EML1: variants seen among roughly 807,000 people sequenced by gnomAD.
EML1 encodes the protein echinoderm microtubule-associated protein-like 1.
A neutral mutation model predicts 110.4 loss-of-function variants in EML1; 27 were observed. The observed-to-expected ratio is 0.24, with a 90% confidence interval of 0.18 to 0.34. The LOEUF is 0.34. Among genes scored for constraint, EML1 ranks in the 10% least tolerant of loss-of-function variants. EML1 has a pLI of 1.00. For missense variants in EML1, 741 were observed against 1,030.9 expected (o/e 0.72, Z 3.85); for synonymous variants, 344 against 385.8 (o/e 0.89, Z 1.27).
intron 13 of EML1, among the ~76,000 whole-genome samples, chr14:99,912,929 G>C (rs2059969067): frequency 6.6e-6 from 1 of 152,224 alleles, no homozygotes; most frequent in South Asian, 2.1e-4. Context: ...AGGGGAGGCT[G>C]CTTCTTTCCT....
rs193178500 is a variant in EML1 at position 99,805,393 on chromosome 14, G to A, written c.67+11850G>A. 9.5e-4 allele frequency among the ~76,000 whole-genome samples: 144 copies of A among 152,278 alleles called. 1 individual carries two copies. Among genetic ancestry groups the A allele is most frequent in the Non-Finnish European group, 1.6e-3 (109 of 68,012 alleles). On this transcript the variant is annotated intron_variant, in intron 1 of 21. Coordinates refer to ENST00000262233, the MANE Select transcript of EML1 (RefSeq NM_004434.3). Reference sequence around the variant, plus strand: ...GACTTAGTGTTTGTGAAACTCTTCCGTCTTTCTGTTAACAGTTGTAGTTCT... The same window carrying A: ...GACTTAGTGTTTGTGAAACTCTTCCATCTTTCTGTTAACAGTTGTAGTTCT...
chr14:99,831,754 A>G (rs1372378841), intron 1 of EML1, among the ~76,000 whole-genome samples: 2 of 152,138 alleles, frequency 1.3e-5, no homozygotes, highest in Non-Finnish European at 2.9e-5. Flanking sequence ...CATTCCATGA[A>G]GGATTTATGA....
At chr14:99,828,606 T>C (rs565396783) in intron 1 of EML1, among the ~76,000 whole-genome samples, 4 of 152,308 alleles carry the variant, frequency 2.6e-5, no homozygotes, top group South Asian at 2.1e-4. Flanking sequence ...GGTATATATA[T>C]ACACTTGACC....
At chr14:99,854,220 T>C (rs2055123839) in intron 2 of EML1, among the ~76,000 whole-genome samples, 1 of 152,150 alleles carries the variant, frequency 6.6e-6, no homozygotes, top group African/African-American at 2.4e-5. Flanking sequence ...CAACACTCAC[T>C]GGCCTCAGCA....
chr14:99,783,485 CTTT>C lies in EML1; in HGVS notation c.-27+9487_-27+9489del, dbSNP rs59785136. Among the ~76,000 whole-genome samples the C allele has an allele frequency of 1.6e-3, 189 of 117,224 alleles. 2 individuals are homozygous for C. Among genetic ancestry groups the C allele is most frequent in the African/African-American group, 4.6e-3 (145 of 31,828 alleles). The allele number at this position is 117,224 out of a possible 152,430, so 76.9% of individuals were successfully genotyped here. A position where few individuals can be genotyped will look rare whatever the true frequency, so the allele number is the denominator to read the frequency against. On this transcript the variant is annotated intron_variant, in intron 1 of 22. Coordinates refer to the EML1 transcript ENST00000327921. ...AATACTTTCCAGAGTTAAAGGGGTA[CTTT>C]TTTTTTTTTTTTTTGAGACAGAGTC...
At chr14:99,740,605 G>A (rs971203066) in intron 1 of EML1, among the ~76,000 whole-genome samples, 2 of 152,176 alleles carry the variant, frequency 1.3e-5, no homozygotes, top group Admixed American at 6.5e-5. Context: ...AGTCAGCACC[G>A]TATTTATAGC....
At chr14:99,892,984 C>A (rs1387999754) in intron 5 of EML1, among the ~76,000 whole-genome samples, 1 of 122,292 alleles carries the variant, frequency 8.2e-6, no homozygotes, top group Non-Finnish European at 1.6e-5. Flanking sequence ...CTTTTAGATT[C>A]TTTGGTTGTG....
intron 1 of EML1, among the ~76,000 whole-genome samples, chr14:99,754,371 C>G (rs1319866737): frequency 1.3e-5 from 2 of 152,170 alleles, no homozygotes; most frequent in Non-Finnish European, 2.9e-5. Flanking sequence ...TGCCTCCCCC[C>G]ACGGTGGCAC....
chr14:99,820,386 G>T (rs1403527214), intron 1 of EML1, among the ~76,000 whole-genome samples: 1 of 152,174 alleles, frequency 6.6e-6, no homozygotes, highest in Non-Finnish European at 1.5e-5. Flanking sequence ...GCTTCTGTAC[G>T]TCTTGGACCT....
chr14:99,897,218 G>A lies in EML1; in HGVS notation c.751G>A (p.Ala251Thr), dbSNP rs929213761. 21 of 1,612,680 alleles carry A rather than the reference G, an allele frequency of 1.3e-5. No individual in the cohort carries two copies. The highest frequency in any genetic ancestry group is 1.7e-5 in the Non-Finnish European group (20 of 1,179,396). The change falls in exon 7 of 22, where the codon GCA becomes ACA. Residue 251 changes from alanine (A) to threonine (T), a missense_variant. Ala to Thr is a moderately conservative substitution (Grantham distance 58, BLOSUM62 0). Around this residue, in one of 4 missense-constraint regions of EML1, gnomAD observed 388 missense variants for 605.6 expected, o/e 0.64. Coordinates refer to ENST00000262233, the MANE Select transcript of EML1 (RefSeq NM_004434.3). The part of the protein sequence containing the change: ...LPTGETVYFI[A>T]SVVVLYNVEE... ...GACGGGAGAGACCGTCTACTTCATC[G>A]CATCCGTGGTGGTGTTATACAACGT...
intron 13 of EML1, among the ~76,000 whole-genome samples, chr14:99,912,832 T>G (rs1042240656): frequency 6.6e-6 from 1 of 152,266 alleles, no homozygotes; most frequent in Non-Finnish European, 1.5e-5. Context: ...ATTCACTGTT[T>G]GTTAGTATCT....
At chr14:99,842,371 A>C (rs1013429634) in intron 1 of EML1, among the ~76,000 whole-genome samples, 1 of 152,276 alleles carries the variant, frequency 6.6e-6, no homozygotes, top group Admixed American at 6.5e-5. Context: ...GTACACAAGA[A>C]GGTTAAGAAC....
chr14:99,793,204 C>T (rs978769456), upstream of EML1: 2 of 392,318 alleles, frequency 5.1e-6, no homozygotes, highest in African/African-American at 2.2e-5. Flanking sequence ...GCCGCAGGCG[C>T]GGGGAGGCTC....
intron 1 of EML1, among the ~76,000 whole-genome samples, chr14:99,780,822 C>T (rs1043988714): frequency 2.6e-5 from 4 of 152,184 alleles, no homozygotes; most frequent in Non-Finnish European, 5.9e-5. Flanking sequence ...AGCCTAGGAG[C>T]AATGGGCTGT....
intron 1 of EML1, among the ~76,000 whole-genome samples, chr14:99,813,509 G>A (rs1467638951): frequency 1.3e-5 from 2 of 152,112 alleles, no homozygotes; most frequent in African/African-American, 4.8e-5. Context: ...GAGCCCAGGA[G>A]TTTGAGACCA....
chr14:99,826,271 C>T (rs1271621837), intron 1 of EML1, among the ~76,000 whole-genome samples: 1 of 151,966 alleles, frequency 6.6e-6, no homozygotes, highest in Non-Finnish European at 1.5e-5. Context: ...TGCCACCACG[C>T]CCTGCTAATT....
chr14:99,888,783 G>A (rs2059528717), intron 4 of EML1, among the ~76,000 whole-genome samples: 1 of 152,190 alleles, frequency 6.6e-6, no homozygotes, highest in Non-Finnish European at 1.5e-5. Context: ...CAGGCCCCAC[G>A]GCTGCTTTTG....
chr14:99,910,322 C>T lies in EML1; in HGVS notation c.1320C>T (p.Asn440=). ...GDTITGDSSG[N]ILVWGKGTNR... Reference sequence around the variant, plus strand: ...CCATTACTGGAGATTCAAGTGGCAACATCTTAGTATGGGGAAAAGGTAATA... The same window carrying T: ...CCATTACTGGAGATTCAAGTGGCAATATCTTAGTATGGGGAAAAGGTAATA... Residue 440 remains asparagine, a synonymous_variant, in exon 12 of 22, where the codon AAC becomes AAT. Transcript: ENST00000262233. 1 of 1,613,134 alleles carries T rather than the reference C, an allele frequency of 6.2e-7. No individual in the cohort carries two copies. The highest frequency in any genetic ancestry group is 8.5e-7 in the Non-Finnish European group (1 of 1,179,558).
intron 16 of EML1, among the ~76,000 whole-genome samples, chr14:99,919,647 A>G (rs936343688): frequency 6.6e-6 from 1 of 152,044 alleles, no homozygotes; most frequent in Non-Finnish European, 1.5e-5. Flanking sequence ...GGGTCACCTA[A>G]TCCAGCCCCT....
Sources: gnomAD v4.1 joint callset for allele counts (sites outside exome capture counted in the v4.1 genomes callset) on GRCh38, gnomAD v4.1.1 for gene constraint, gnomAD v4.1.1 regional missense constraint, MANE v1.5 for transcripts, NCBI Gene and HGNC (gene_info 2026-07-23, HGNC 2026-07-21) for gene names.